The following NSF variants were observed in gnomAD, a reference collection of about 807,000 sequenced individuals.
NSF encodes the protein N-ethylmaleimide sensitive factor, vesicle fusing ATPase, also known as vesicle-fusing ATPase.
Under a neutral mutation model 50.3 loss-of-function variants are expected in NSF, and 14 were observed. The ratio of observed to expected loss-of-function variants is 0.28; its 90% CI spans 0.18 to 0.44. NSF has a LOEUF of 0.44. NSF is among the 20% of genes least tolerant of loss of function. The probability of loss-of-function intolerance (pLI) is 1.00; values close to 1 mark genes in which losing one functional copy is unlikely to be tolerated. For missense variants in NSF, 218 were observed against 504.3 expected, an observed-to-expected ratio of 0.43 and a Z score of 5.44; for synonymous variants, 109 against 175.7, an observed-to-expected ratio of 0.62 and a Z score of 3.00.
chr17:46,609,900 C>A (rs7503250), intron 1 of NSF, among the ~76,000 whole-genome samples: 148 of 142,350 alleles, frequency 1.0e-3, no homozygotes, highest in African/African-American at 3.5e-3. Context: ...ATCAGGGCTC[C>A]CTGTAGCCTT....
intron 18 of NSF, among the ~76,000 whole-genome samples, chr17:46,750,207 G>A (rs1308850868): frequency 1.3e-5 from 2 of 152,122 alleles, no homozygotes; most frequent in Non-Finnish European, 2.9e-5. Context: ...ACAAAAATTA[G>A]CTGGGCATGG....
intron 17 of NSF, among the ~76,000 whole-genome samples, chr17:46,733,982 C>T (rs1398151101): frequency 6.6e-6 from 1 of 152,146 alleles, no homozygotes; most frequent in Admixed American, 6.5e-5. Flanking sequence ...AAACTGTCAG[C>T]ATTCTCAGGA....
At chr17:46,622,489 A>G (rs537192640) in intron 1 of NSF, among the ~76,000 whole-genome samples, 1 of 148,888 alleles carries the variant, frequency 6.7e-6, no homozygotes, top group East Asian at 2.0e-4. Context: ...TAAATAGATA[A>G]ATAAATGGTG....
At chr17:46,742,042 C>T (rs978796763) in intron 17 of NSF, among the ~76,000 whole-genome samples, 3 of 152,212 alleles carry the variant, frequency 2.0e-5, no homozygotes, top group Non-Finnish European at 4.4e-5. Flanking sequence ...GTGTGAGCCA[C>T]TGCACTGGCC....
chr17:46,737,597 G>A (rs2059020670), intron 17 of NSF, among the ~76,000 whole-genome samples: 1 of 151,830 alleles, frequency 6.6e-6, no homozygotes, highest in South Asian at 2.1e-4. Context: ...GTGTGTGTGT[G>A]TGTGTGTTTT....
intron 16 of NSF, among the ~76,000 whole-genome samples, chr17:46,728,118 A>G (rs2058910048): frequency 6.6e-6 from 1 of 152,150 alleles, no homozygotes; most frequent in Non-Finnish European, 1.5e-5. Context: ...GCAGAGGTGC[A>G]TATGCAGTAT....
chr17:46,721,365 G>A (rs947142156), intron 15 of NSF, among the ~76,000 whole-genome samples: 14 of 150,924 alleles, frequency 9.3e-5, no homozygotes, highest in African/African-American at 3.4e-4. Flanking sequence ...GACACAGGCT[G>A]ACTGATGCCA....
chr17:46,712,471 A>G (rs556659787), intron 14 of NSF, among the ~76,000 whole-genome samples: 10 of 152,342 alleles, frequency 6.6e-5, no homozygotes, highest in African/African-American at 2.2e-4. Flanking sequence ...ACATAGCCCG[A>G]TAAATGGTGC....
At position 46,755,382 on chromosome 17, in the gene NSF, A is replaced by C. The variant is rs371654744; in HGVS notation, c.2213+13A>C. On this transcript the variant is annotated intron_variant, in intron 20 of 20. Coordinates refer to ENST00000398238, the MANE Select transcript of NSF (RefSeq NM_006178.4). ...GAGAAGAAGGAGCGTAAGTACATAC[A>C]ACATTTAATGACCATCAACCAAACT... The C allele has an allele frequency of 8.1e-6, 13 of 1,608,638 alleles. No homozygotes were observed. The highest frequency in any genetic ancestry group is 1.1e-5 in the Non-Finnish European group (13 of 1,174,922).
rs745735326 is a variant in NSF, at chr17:46,755,845, CAGTGACCAAGGGA to C, written c.*34_*46del. 1.3e-5 allele frequency: 21 copies of C among 1,609,628 alleles called. No individual in the cohort carries two copies. The highest frequency in any genetic ancestry group is 1.7e-5 in the Non-Finnish European group (20 of 1,178,356). On this transcript the variant is annotated 3_prime_UTR_variant, in exon 21 of 21. Transcript: ENST00000398238. ...TTGAAAATGAACTATTTGAAACACA[CAGTGACCAAGGGA>C]AGTGACCAAGGTGAAGATGGCCTAG...
intron 17 of NSF, among the ~76,000 whole-genome samples, chr17:46,740,484 C>G (rs968472627): frequency 6.6e-6 from 1 of 152,070 alleles, no homozygotes; most frequent in African/African-American, 2.4e-5. Context: ...TAGGGTATAT[C>G]AAGCTAAAAG....
chr17:46,755,833 A>G lies in NSF; in HGVS notation c.*10A>G, dbSNP rs905216148. 1.2e-6 allele frequency: 2 copies of G among 1,609,560 alleles called. No individual in the cohort carries two copies. The highest frequency in any genetic ancestry group is 1.4e-5 in the African/African-American group (1 of 73,808). Reference sequence around the variant, plus strand: ...CCTTGATTTTGATTGAAAATGAACTATTTGAAACACACAGTGACCAAGGGA... The same window carrying G: ...CCTTGATTTTGATTGAAAATGAACTGTTTGAAACACACAGTGACCAAGGGA... On this transcript the variant is annotated 3_prime_UTR_variant, in exon 21 of 21. Transcript: ENST00000398238.
chr17:46,729,423 T>C (rs1205161862), intron 17 of NSF, among the ~76,000 whole-genome samples: 5 of 152,192 alleles, frequency 3.3e-5, no homozygotes, highest in Non-Finnish European at 5.9e-5. Context: ...TGTGGCACTT[T>C]TGAGGAGTGA....
At chr17:46,736,908 A>G (rs2059012046) in intron 17 of NSF, among the ~76,000 whole-genome samples, 1 of 152,252 alleles carries the variant, frequency 6.6e-6, no homozygotes, top group Non-Finnish European at 1.5e-5. Flanking sequence ...GCTCAGTGCC[A>G]TGCTCCCCAT....
At chr17:46,721,793 A>C (rs2058833365) in intron 15 of NSF, 1 of 1,601,598 alleles carries the variant, frequency 6.2e-7, no homozygotes, top group Non-Finnish European at 8.6e-7. Flanking sequence ...GGCATCGTGC[A>C]CAGCTGTCAG....
At chr17:46,754,213 G>GA (rs2059211633) in intron 19 of NSF, among the ~76,000 whole-genome samples, 1 of 148,792 alleles carries the variant, frequency 6.7e-6, no homozygotes, top group Admixed American at 6.7e-5. Context: ...TCCCAAAAAG[G>GA]AAAAATGTTT....
At chr17:46,732,337 T>G (rs2058957749) in intron 17 of NSF, among the ~76,000 whole-genome samples, 1 of 152,066 alleles carries the variant, frequency 6.6e-6, no homozygotes, top group African/African-American at 2.4e-5. Flanking sequence ...TATTCTCTTT[T>G]CTCCTTCCAC....
intron 13 of NSF, among the ~76,000 whole-genome samples, chr17:46,710,146 C>T (rs1352214982): frequency 6.6e-6 from 1 of 152,118 alleles, no homozygotes; most frequent in Non-Finnish European, 1.5e-5. Context: ...TTGAAATTCT[C>T]AAGATACATG....
At chr17:46,747,350 G>A (rs969393535) in intron 17 of NSF, among the ~76,000 whole-genome samples, 4 of 152,032 alleles carry the variant, frequency 2.6e-5, no homozygotes, top group Non-Finnish European at 4.4e-5. Context: ...GTGCCATCTC[G>A]GCTCACTCCA....
Sources: allele counts gnomAD v4.1 joint callset (sites outside exome capture counted in the v4.1 genomes callset), GRCh38; gene constraint gnomAD v4.1.1; transcripts MANE v1.5; gene names NCBI Gene and HGNC (gene_info 2026-07-23, HGNC 2026-07-21).